Variants in GALNTL6 observed in about 807,000 individuals in gnomAD.
GALNTL6 encodes polypeptide N-acetylgalactosaminyltransferase-like 6.
In GALNTL6, 46 loss-of-function variants were observed where a neutral mutation model predicts 73.7. The ratio of observed to expected loss-of-function variants is 0.62; its 90% CI spans 0.49 to 0.80. The LOEUF is 0.80. Among genes scored for constraint, GALNTL6 ranks in the 30% least tolerant of loss-of-function variants. The probability of loss-of-function intolerance (pLI) is 0.00; values close to 1 mark genes in which losing one functional copy is unlikely to be tolerated. For synonymous variants in GALNTL6, 259 were observed against 263.7 expected, an observed-to-expected ratio of 0.98 and a Z score of 0.17; for missense variants, 604 against 755.0, an observed-to-expected ratio of 0.80 and a Z score of 2.34.
intron 5 of GALNTL6, among the ~76,000 whole-genome samples, chr4:172,717,899 G>A (rs929919749): frequency 3.9e-5 from 6 of 152,186 alleles, no homozygotes; most frequent in Admixed American, 2.6e-4. Flanking sequence ...GTGTGTTTAT[G>A]TGTGTCTATG....
At chr4:172,561,056 AT>A (rs1736336502) in intron 5 of GALNTL6, among the ~76,000 whole-genome samples, 1 of 151,692 alleles carries the variant, frequency 6.6e-6, no homozygotes, top group South Asian at 2.1e-4. Context: ...GATCGAGACC[AT>A]CCTGGCTAAC....
intron 5 of GALNTL6, among the ~76,000 whole-genome samples, chr4:172,494,670 C>T (rs909569444): frequency 6.6e-6 from 1 of 152,184 alleles, no homozygotes; most frequent in African/African-American, 2.4e-5. Context: ...GAGCTCCTGA[C>T]AAACCACTGG....
At chr4:171,913,724 A>C (rs1422197529) in intron 2 of GALNTL6, among the ~76,000 whole-genome samples, 1 of 152,204 alleles carries the variant, frequency 6.6e-6, no homozygotes, top group Non-Finnish European at 1.5e-5. Context: ...TCGTTGAAAC[A>C]GTGTCTTTTC....
intron 3 of GALNTL6, among the ~76,000 whole-genome samples, chr4:172,237,318 A>G (rs957999484): frequency 2.6e-5 from 4 of 152,206 alleles, no homozygotes; most frequent in African/African-American, 9.6e-5. Flanking sequence ...ACTAATTTAC[A>G]TCCCCATTAG....
In GALNTL6 at chr4:172,126,478, C is replaced by T. The variant is rs116117216; in HGVS notation, c.139-103178C>T. 3.2e-3 allele frequency among the ~76,000 whole-genome samples: 486 copies of T among 152,210 alleles called. 3 individuals carry two copies. The highest frequency in any genetic ancestry group is 0.011 in the African/African-American group (474 of 41,504). On this transcript the variant is annotated intron_variant, in intron 2 of 12. Coordinates refer to ENST00000506823, the MANE Select transcript of GALNTL6 (RefSeq NM_001034845.3). ...ACACCGGCGTTCAATAGAGAAGTGACAGGAAACACCTGAAGTGTAAGGGAC... is the reference window on the plus strand; with the variant it reads ...ACACCGGCGTTCAATAGAGAAGTGATAGGAAACACCTGAAGTGTAAGGGAC...
At chr4:172,548,722 A>T (rs1175739343) in intron 5 of GALNTL6, among the ~76,000 whole-genome samples, 2 of 152,188 alleles carry the variant, frequency 1.3e-5, no homozygotes, top group Non-Finnish European at 2.9e-5. Flanking sequence ...AACTAATTAG[A>T]TCTTACCCAT....
At chr4:171,945,309 T>A (rs1738671096) in intron 2 of GALNTL6, among the ~76,000 whole-genome samples, 1 of 152,124 alleles carries the variant, frequency 6.6e-6, no homozygotes, top group South Asian at 2.1e-4. Context: ...AGCGTTCATA[T>A]GTCCATTAAT....
chr4:171,947,465 C>A (rs1738738335), intron 2 of GALNTL6, among the ~76,000 whole-genome samples: 1 of 151,640 alleles, frequency 6.6e-6, no homozygotes, highest in Non-Finnish European at 1.5e-5. Flanking sequence ...TGCCTTAAGT[C>A]AAATAACTCA....
At chr4:173,037,896 C>T (rs891694015) in intron 12 of GALNTL6, among the ~76,000 whole-genome samples, 1 of 152,126 alleles carries the variant, frequency 6.6e-6, no homozygotes, top group Non-Finnish European at 1.5e-5. Context: ...ATGTGCACCA[C>T]CACGCCTGGC....
At chr4:172,467,639 A>T (rs754648185) in intron 5 of GALNTL6, among the ~76,000 whole-genome samples, 64 of 152,294 alleles carry the variant, frequency 4.2e-4, no homozygotes, top group South Asian at 2.1e-4. Context: ...AAAGCATGTC[A>T]TAAGACTAGC....
chr4:172,933,184 A>C lies in GALNTL6; in HGVS notation c.1149+1916A>C, dbSNP rs181497203. 6.6e-5 allele frequency among the ~76,000 whole-genome samples: 10 copies of C among 152,210 alleles called. No homozygotes were observed. The East Asian group carries it at 1.9e-3, about 30-fold the overall frequency. On this transcript the variant is annotated intron_variant, in intron 9 of 12. Transcript: ENST00000506823. The stretch of plus-strand genomic sequence containing the variant: ...ATATAATAAATCATAGCAGTTTAAA[A>C]TATCCTAAAGATAATAATGTTCTCT...
Position 172,206,018 on chromosome 4 carries a change from A to C in GALNTL6, c.139-23638A>C, listed in dbSNP as rs114363153. On this transcript the variant is annotated intron_variant, in intron 2 of 12. Coordinates refer to ENST00000506823, the MANE Select transcript of GALNTL6 (RefSeq NM_001034845.3). ...CTGGTGTTTGTAGAGCAGGGAAAGA[A>C]TATGTACATATGCCATGTATTTCAT... Among the ~76,000 whole-genome samples the C allele has an allele frequency of 4.4e-3, 673 of 152,278 alleles. 6 individuals carry two copies. The highest frequency in any genetic ancestry group is 0.015 in the African/African-American group (643 of 41,540).
chr4:172,495,481 T>A (rs77503299), intron 5 of GALNTL6, among the ~76,000 whole-genome samples: 37 of 152,312 alleles, frequency 2.4e-4, no homozygotes, highest in African/African-American at 7.9e-4. Context: ...AATTCTCTCC[T>A]GTCCTCTCTC....
chr4:172,082,148 A>G (rs1359081283), intron 2 of GALNTL6, among the ~76,000 whole-genome samples: 5 of 152,288 alleles, frequency 3.3e-5, no homozygotes, highest in Admixed American at 3.3e-4. Context: ...AAGTACTGAG[A>G]TTACAGGCAC....
chr4:172,814,168 A>G (rs1253817255), intron 7 of GALNTL6, among the ~76,000 whole-genome samples: 5 of 152,198 alleles, frequency 3.3e-5, no homozygotes, highest in Non-Finnish European at 7.3e-5. Context: ...GAAATTGTGT[A>G]CCTATAACGG....
At chr4:172,859,004 T>C (rs1001808227) in intron 7 of GALNTL6, among the ~76,000 whole-genome samples, 2 of 139,158 alleles carry the variant, frequency 1.4e-5, no homozygotes, top group Admixed American at 1.4e-4. Context: ...AAGAAGATAA[T>C]GAGTCAACAA....
At chr4:171,828,020 A>G (rs1319128665) in intron 2 of GALNTL6, among the ~76,000 whole-genome samples, 1 of 152,222 alleles carries the variant, frequency 6.6e-6, no homozygotes, top group Non-Finnish European at 1.5e-5. Flanking sequence ...CCATAAAAAT[A>G]CACAAAAATC....
chr4:171,834,631 T>C (rs1425540021), intron 2 of GALNTL6, among the ~76,000 whole-genome samples: 1 of 152,014 alleles, frequency 6.6e-6, no homozygotes, highest in Non-Finnish European at 1.5e-5. Context: ...ACATTTACAA[T>C]ATGCGATGGC....
intron 10 of GALNTL6, among the ~76,000 whole-genome samples, chr4:173,007,653 A>G (rs1052121396): frequency 6.6e-6 from 1 of 152,148 alleles, no homozygotes; most frequent in Non-Finnish European, 1.5e-5. Flanking sequence ...TAAAAATACC[A>G]AAATTAGCTT....
Sources: allele counts gnomAD v4.1 joint callset (sites outside exome capture counted in the v4.1 genomes callset), GRCh38; gene constraint gnomAD v4.1.1; transcripts MANE v1.5; gene names NCBI Gene and HGNC (gene_info 2026-07-23, HGNC 2026-07-21).